Variants in PDE3A observed in about 807,000 individuals in gnomAD.
PDE3A encodes cGMP-inhibited 3',5'-cyclic phosphodiesterase 3A.
In PDE3A, 43 loss-of-function variants were observed where a neutral mutation model predicts 98.3. That is an observed-to-expected ratio of 0.44 (90% confidence interval 0.34 to 0.56). PDE3A has a LOEUF of 0.56. PDE3A is among the 20% of genes least tolerant of loss of function. PDE3A has a pLI of 0.01. For synonymous variants in PDE3A, 663 were observed against 567.9 expected (o/e 1.17, Z -2.38); for missense variants, 1,427 against 1,440.7 (o/e 0.99, Z 0.15).
Position 20,449,347 on chromosome 12 carries a change from A to C in PDE3A, c.960+79103A>C, listed in dbSNP as rs139807467. Reference sequence around the variant, plus strand: ...AAAATTTTATGAGGCAAAATACAGCAAAATATTTCAACACCACATTTTTGT... The same window carrying C: ...AAAATTTTATGAGGCAAAATACAGCCAAATATTTCAACACCACATTTTTGT... On this transcript the variant is annotated intron_variant, in intron 1 of 15. Coordinates refer to ENST00000359062, the MANE Select transcript of PDE3A (RefSeq NM_000921.5). Among the ~76,000 whole-genome samples the C allele has an allele frequency of 4.2e-3, 642 of 152,346 alleles. 6 individuals are homozygous for C. Among genetic ancestry groups the C allele is most frequent in the African/African-American group, 0.014 (600 of 41,580 alleles).
chr12:20,496,863 G>C (rs1489722952), intron 1 of PDE3A, among the ~76,000 whole-genome samples: 1 of 152,150 alleles, frequency 6.6e-6, no homozygotes, highest in Admixed American at 6.6e-5. Context: ...ATATGAAAGT[G>C]ACAGAGAAAG....
Position 20,369,791 on chromosome 12 carries a change from G to A in PDE3A, c.507G>A (p.Gly169=), listed in dbSNP as rs144296189. ...TCGCGCTGCTGGCCGCCTGCTGCGG[G>A]GGGGAAGCGCTCGTCCAGATTGGGC... The part of the protein sequence containing the change: ...LAVALLAACC[G]GEALVQIGLG... The change falls in exon 1 of 16, where the codon GGG becomes GGA. Residue 169 remains glycine (G), a synonymous_variant. Transcript: ENST00000359062. The A allele has an allele frequency of 6.2e-7, 1 of 1,612,576 alleles. No individual in the cohort carries two copies. Among genetic ancestry groups the A allele is most frequent in the Non-Finnish European group, 8.5e-7 (1 of 1,179,702 alleles).
At chr12:20,595,998 C>T (rs528972871) in intron 2 of PDE3A, among the ~76,000 whole-genome samples, 3 of 152,022 alleles carry the variant, frequency 2.0e-5, no homozygotes, top group Non-Finnish European at 4.4e-5. Context: ...TTAATCAGTG[C>T]TTGTATTAAT....
At chr12:20,652,410 C>T (rs1285543638) in intron 14 of PDE3A, among the ~76,000 whole-genome samples, 1 of 152,136 alleles carries the variant, frequency 6.6e-6, no homozygotes, top group Admixed American at 6.5e-5. Flanking sequence ...TCCTATTTCT[C>T]CACATCCTCT....
intron 1 of PDE3A, among the ~76,000 whole-genome samples, chr12:20,536,061 C>T (rs1297415364): frequency 6.6e-6 from 1 of 152,080 alleles, no homozygotes; most frequent in Non-Finnish European, 1.5e-5. Flanking sequence ...TTGGTTCAGA[C>T]TCTGCAGGTG....
chr12:20,395,838 A>C (rs1944007226), intron 1 of PDE3A, among the ~76,000 whole-genome samples: 1 of 151,742 alleles, frequency 6.6e-6, no homozygotes, highest in Non-Finnish European at 1.5e-5. Context: ...AGAGGTTATC[A>C]ATGAGGTTCG....
chr12:20,512,892 A>G (rs1212365078), intron 1 of PDE3A, among the ~76,000 whole-genome samples: 3 of 152,194 alleles, frequency 2.0e-5, no homozygotes, highest in African/African-American at 7.2e-5. Context: ...CTATCATTAT[A>G]TAAATATAAC....
chr12:20,648,902 C>T lies in PDE3A; in HGVS notation c.2769+11C>T. 6.8e-7 allele frequency: 1 copy of T among 1,478,618 alleles called. No homozygotes were observed. The highest frequency in any genetic ancestry group is 2.3e-5 in the East Asian group (1 of 44,048). 91.6% of individuals were successfully genotyped at this position (1,478,618 alleles called of 1,614,324 possible). On this transcript the variant is annotated intron_variant, in intron 13 of 15. Coordinates refer to ENST00000359062, the MANE Select transcript of PDE3A (RefSeq NM_000921.5). ...AAATTTAATGGCAAGGTAAATAGAG[C>T]TGTACCCAGTTTTCTTTTCTTTTTC...
rs1350592855 is a variant in PDE3A, at chr12:20,566,665, C to G, written c.1011+9955C>G. 3.4e-4 allele frequency among the ~76,000 whole-genome samples: 51 copies of G among 151,730 alleles called. 2 individuals are homozygous for G. The highest frequency in any genetic ancestry group is 3.4e-3 in the Admixed American group (51 of 15,204). On this transcript the variant is annotated intron_variant, in intron 2 of 15. Coordinates refer to ENST00000359062, the MANE Select transcript of PDE3A (RefSeq NM_000921.5). Reference sequence around the variant, plus strand: ...TATAAAAGCTCTAGTTCTCAAAGGACTGGGAGCAGAGGAGAGGAAAGAAGT... The same window carrying G: ...TATAAAAGCTCTAGTTCTCAAAGGAGTGGGAGCAGAGGAGAGGAAAGAAGT...
At chr12:20,561,042 C>CCTGAGGTCAGGGGTTTGAGACCAG in intron 2 of PDE3A, among the ~76,000 whole-genome samples, 1 of 151,824 alleles carries the variant, frequency 6.6e-6, no homozygotes, top group African/African-American at 2.4e-5. Flanking sequence ...GCAGGTGGCA[C>CCTGAGGTCAGGGGTTTGAGACCAG]CTGAGGTCAG....
At chr12:20,549,802 A>G (rs1942151502) in intron 1 of PDE3A, among the ~76,000 whole-genome samples, 1 of 152,180 alleles carries the variant, frequency 6.6e-6, no homozygotes, top group African/African-American at 2.4e-5. Flanking sequence ...AGTTTGTTAT[A>G]TAATGCTAGG....
At chr12:20,421,907 G>A (rs1426282652) in intron 1 of PDE3A, among the ~76,000 whole-genome samples, 2 of 152,194 alleles carry the variant, frequency 1.3e-5, no homozygotes, top group Non-Finnish European at 2.9e-5. Context: ...TTTGGCTCAG[G>A]CTGTGTTGTA....
At chr12:20,604,583 G>T (rs1053545757) in intron 2 of PDE3A, among the ~76,000 whole-genome samples, 1 of 152,094 alleles carries the variant, frequency 6.6e-6, no homozygotes, top group Non-Finnish European at 1.5e-5. Flanking sequence ...ATTACATTAT[G>T]TCTCATTTTA....
chr12:20,685,886 C>T lies in PDE3A; in HGVS notation c.*5615C>T, dbSNP rs1309607522. 6.6e-6 allele frequency among the ~76,000 whole-genome samples: 1 copy of T among 152,026 alleles called. No individual in the cohort carries two copies. The highest frequency in any genetic ancestry group is 1.5e-5 in the Non-Finnish European group (1 of 67,998). The stretch of plus-strand genomic sequence containing the variant: ...AATAATTCAATAACCAAAAATGCTT[C>T]AAAGAGTAATAATAAATCACCATAG... On this transcript the variant is annotated 3_prime_UTR_variant, in exon 16 of 16. Transcript: ENST00000359062.
chr12:20,387,679 A>C (rs1037914558), intron 1 of PDE3A, among the ~76,000 whole-genome samples: 3 of 152,024 alleles, frequency 2.0e-5, no homozygotes, highest in African/African-American at 7.2e-5. Context: ...GGTGCTATAT[A>C]AATATTTAAA....
At chr12:20,554,359 T>TAA (rs1370732662) in intron 1 of PDE3A, among the ~76,000 whole-genome samples, 3 of 8,582 alleles carry the variant, frequency 3.5e-4, no homozygotes, top group Admixed American at 2.8e-3. Context: ...TTTTCACAGA[T>TAA]AAAAAAAAAA....
In PDE3A at chr12:20,400,894, G is replaced by A. The variant is rs148947095; in HGVS notation, c.960+30650G>A. Among the ~76,000 whole-genome samples the A allele has an allele frequency of 1.2e-4, 18 of 152,068 alleles. No homozygotes were observed. In the East Asian group the frequency reaches 3.3e-3, roughly 28 times the overall value. On this transcript the variant is annotated intron_variant, in intron 1 of 15. Transcript: ENST00000359062. ...CTCCTAGTATGCTAAGCATTTTAGA[G>A]ATATCACAGATTCTCTTAAGATTAG...
chr12:20,614,842 T>G (rs1943960338), intron 3 of PDE3A, among the ~76,000 whole-genome samples: 1 of 152,148 alleles, frequency 6.6e-6, no homozygotes, highest in African/African-American at 2.4e-5. Flanking sequence ...TTTTACCTTC[T>G]TTGGAAGAGC....
intron 1 of PDE3A, among the ~76,000 whole-genome samples, chr12:20,435,292 G>A (rs909794193): frequency 6.6e-6 from 1 of 151,978 alleles, no homozygotes; most frequent in Non-Finnish European, 1.5e-5. Context: ...TATTCAGGTC[G>A]ATTAAAAATA....
Sources: gnomAD v4.1 joint callset for allele counts (sites outside exome capture counted in the v4.1 genomes callset) on GRCh38, gnomAD v4.1.1 for gene constraint, MANE v1.5 for transcripts, NCBI Gene and HGNC (gene_info 2026-07-23, HGNC 2026-07-21) for gene names.